The following PIBF1 variants were observed in gnomAD, a reference collection of about 807,000 sequenced individuals.
PIBF1 encodes progesterone-induced-blocking factor 1.
PIBF1 carries 90 observed loss-of-function variants against 112.5 expected under a neutral mutation model. The observed-to-expected ratio is 0.80, with a 90% confidence interval of 0.67 to 0.95. PIBF1 has a LOEUF of 0.95. Ranked by LOEUF, PIBF1 falls within the 40% of genes least tolerant of loss-of-function variation. The probability of loss-of-function intolerance (pLI) is 0.00; values close to 1 mark genes in which losing one functional copy is unlikely to be tolerated. For synonymous variants in PIBF1, 301 were observed against 288.6 expected, an observed-to-expected ratio of 1.04 and a Z score of -0.44; for missense variants, 915 against 852.3, an observed-to-expected ratio of 1.07 and a Z score of -0.92.
intron 2 of PIBF1, among the ~76,000 whole-genome samples, chr13:72,784,898 A>T (rs1406359456): frequency 6.6e-6 from 1 of 152,154 alleles, no homozygotes; most frequent in Non-Finnish European, 1.5e-5. Context: ...TGTTGGAGAC[A>T]GTCTTGCTCT....
intron 5 of PIBF1, among the ~76,000 whole-genome samples, chr13:72,803,505 A>G (rs1359646351): frequency 6.6e-6 from 1 of 152,132 alleles, no homozygotes; most frequent in Non-Finnish European, 1.5e-5. Context: ...TGTTTCTGTG[A>G]TTATGATATT....
At chr13:72,913,845 T>A (rs2138679930) in intron 12 of PIBF1, among the ~76,000 whole-genome samples, 2 of 152,288 alleles carry the variant, frequency 1.3e-5, no homozygotes, top group South Asian at 4.1e-4. Flanking sequence ...AAATATTTTC[T>A]TAAAAGCTGC....
intron 10 of PIBF1, among the ~76,000 whole-genome samples, chr13:72,880,113 A>G (rs1040153670): frequency 6.6e-6 from 1 of 152,206 alleles, no homozygotes; most frequent in Admixed American, 6.5e-5. Flanking sequence ...GTCACCATTT[A>G]TCAATGCTTT....
chr13:72,847,635 A>C (rs1025780100), intron 9 of PIBF1, among the ~76,000 whole-genome samples: 5 of 152,242 alleles, frequency 3.3e-5, no homozygotes, highest in South Asian at 4.1e-4. Context: ...AAGGTTAGGA[A>C]AGTGTAGCAT....
intron 5 of PIBF1, among the ~76,000 whole-genome samples, chr13:72,806,501 C>T (rs748646409): frequency 6.6e-6 from 1 of 151,998 alleles, no homozygotes; most frequent in Non-Finnish European, 1.5e-5. Context: ...TTAGGTATTT[C>T]ACCTAATGCT....
rs145169871 is a variant in PIBF1, at chr13:72,889,916, A to C, written c.1323-3868A>C. 7.9e-3 allele frequency among the ~76,000 whole-genome samples: 1,211 copies of C among 152,330 alleles called. 14 individuals carry two copies. Among genetic ancestry groups the C allele is most frequent in the African/African-American group, 0.027 (1,141 of 41,590 alleles). ...ATTTTTAATGTAATACAAGCCATGAACATTTTGTGTACAGAATTCAAAAAT... is the reference window on the plus strand; with the variant it reads ...ATTTTTAATGTAATACAAGCCATGACCATTTTGTGTACAGAATTCAAAAAT... On this transcript the variant is annotated intron_variant, in intron 10 of 17. Transcript: ENST00000326291.
chr13:72,908,460 T>C, intron 11 of PIBF1, 71 bp from the exon 12 acceptor site: 1 of 934,572 alleles, frequency 1.1e-6, no homozygotes, highest in Non-Finnish European at 1.5e-6. Flanking sequence ...TGAATGTCTT[T>C]GCATCATGTT....
chr13:72,976,511 A>C (rs117306936), intron 16 of PIBF1, among the ~76,000 whole-genome samples: 6 of 152,230 alleles, frequency 3.9e-5, no homozygotes, highest in African/African-American at 7.2e-5. Context: ...TTTGGCAAGT[A>C]TGTTTTAATA....
intron 10 of PIBF1, among the ~76,000 whole-genome samples, chr13:72,881,501 A>T (rs1250734295): frequency 6.6e-6 from 1 of 152,172 alleles, no homozygotes; most frequent in Admixed American, 6.5e-5. Flanking sequence ...GTGGATCACG[A>T]GGTCAGGAGT....
chr13:72,923,079 A>G (rs973025298), intron 13 of PIBF1, among the ~76,000 whole-genome samples: 1 of 152,214 alleles, frequency 6.6e-6, no homozygotes, highest in African/African-American at 2.4e-5. Context: ...AAACTGAGAA[A>G]GATCAAATAA....
chr13:72,792,211 A>G (rs894237386), intron 2 of PIBF1, among the ~76,000 whole-genome samples: 7 of 151,952 alleles, frequency 4.6e-5, no homozygotes, highest in African/African-American at 1.7e-4. Flanking sequence ...CAGTAGAATC[A>G]CTTGAACCTG....
At chr13:72,785,546 A>G (rs1258778424) in intron 2 of PIBF1, among the ~76,000 whole-genome samples, 1 of 152,192 alleles carries the variant, frequency 6.6e-6, no homozygotes, top group African/African-American at 2.4e-5. Flanking sequence ...TAAAGCCTAT[A>G]CTCTACACAA....
chr13:72,964,994 G>T (rs1388741372), intron 14 of PIBF1, among the ~76,000 whole-genome samples: 4 of 152,114 alleles, frequency 2.6e-5, no homozygotes, highest in Non-Finnish European at 5.9e-5. Flanking sequence ...CCTGGAAGGC[G>T]GAGGTTGCAG....
At chr13:72,969,169 A>C (rs2042827938) in intron 15 of PIBF1, among the ~76,000 whole-genome samples, 1 of 152,254 alleles carries the variant, frequency 6.6e-6, no homozygotes, top group Non-Finnish European at 1.5e-5. Flanking sequence ...AACAGTGTTC[A>C]ATAAATGTTT....
At chr13:72,829,469 AG>A (rs753533575) in intron 8 of PIBF1, among the ~76,000 whole-genome samples, 3 of 152,330 alleles carry the variant, frequency 2.0e-5, no homozygotes, top group Non-Finnish European at 4.4e-5. Context: ...GGTATAAGGA[AG>A]GGGTCCAGTT....
At chr13:72,815,352 A>G in intron 5 of PIBF1, among the ~76,000 whole-genome samples, 1 of 152,222 alleles carries the variant, frequency 6.6e-6, no homozygotes, top group East Asian at 1.9e-4. Context: ...TTAGTGTTGA[A>G]CACTTAAGAT....
intron 16 of PIBF1, among the ~76,000 whole-genome samples, chr13:72,996,093 G>GC (rs1175645347): frequency 8.3e-6 from 1 of 121,088 alleles, no homozygotes; most frequent in Non-Finnish European, 1.7e-5. Context: ...AAAGCGGGGG[G>GC]GGGGGGTCAT....
intron 10 of PIBF1, among the ~76,000 whole-genome samples, chr13:72,892,683 A>G (rs1334630142): frequency 1.3e-5 from 2 of 151,946 alleles, no homozygotes; most frequent in Non-Finnish European, 2.9e-5. Flanking sequence ...ATTAAATGAG[A>G]TACCATAGAT....
chr13:72,976,771 T>C (rs1439434955), intron 16 of PIBF1, among the ~76,000 whole-genome samples: 4 of 152,214 alleles, frequency 2.6e-5, no homozygotes, highest in Admixed American at 2.6e-4. Flanking sequence ...AACATTTACC[T>C]GATGAAACAG....
Sources: gnomAD v4.1 joint callset for allele counts (sites outside exome capture counted in the v4.1 genomes callset) on GRCh38, gnomAD v4.1.1 for gene constraint, MANE v1.5 for transcripts, NCBI Gene and HGNC (gene_info 2026-07-23, HGNC 2026-07-21) for gene names.